Variants in COG5 observed in about 807,000 individuals in gnomAD.
COG5 encodes the protein conserved oligomeric Golgi complex subunit 5.
COG5 carries 86 observed loss-of-function variants against 110.4 expected under a neutral mutation model. That is an observed-to-expected ratio of 0.78 (90% CI 0.65 to 0.93). The LOEUF (loss-of-function observed/expected upper bound fraction) is 0.93. COG5 is among the 40% of genes least tolerant of loss of function. The pLI is 0.00. For synonymous variants in COG5, 360 were observed against 334.6 expected (o/e 1.08, Z -0.83); for missense variants, 1,077 against 987.0 (o/e 1.09, Z -1.22).
intron 10 of COG5, among the ~76,000 whole-genome samples, chr7:107,351,726 G>C (rs1156441790): frequency 1.3e-5 from 2 of 151,862 alleles, no homozygotes; most frequent in African/African-American, 4.8e-5. Context: ...ATCATCACTG[G>C]TCATCAGAGA....
chr7:107,275,714 A>G (rs534486322), intron 14 of COG5, among the ~76,000 whole-genome samples: 1 of 151,926 alleles, frequency 6.6e-6, no homozygotes, highest in South Asian at 2.1e-4. Flanking sequence ...AGTAGAGATG[A>G]GGTTTCACCA....
intron 1 of COG5, among the ~76,000 whole-genome samples, chr7:107,559,817 T>C (rs1484131639): frequency 2.0e-5 from 3 of 152,180 alleles, no homozygotes; most frequent in Non-Finnish European, 4.4e-5. Flanking sequence ...GCAAATGCCA[T>C]GGCATATTTT....
chr7:107,354,666 G>C (rs1478336297), intron 10 of COG5, among the ~76,000 whole-genome samples: 4 of 152,118 alleles, frequency 2.6e-5, no homozygotes, highest in African/African-American at 4.8e-5. Flanking sequence ...ACAAGAGTGA[G>C]ACTCCGTCTC....
At chr7:107,295,038 T>TACACAC (rs1249923848) in intron 12 of COG5, among the ~76,000 whole-genome samples, 1,698 of 53,118 alleles carry the variant, frequency 0.032, 50 homozygotes, top group Non-Finnish European at 0.05. Context: ...CACACACATA[T>TACACAC]ACACACACAC....
chr7:107,294,962 CACACATATATATAT>C (rs1357937618), intron 12 of COG5, among the ~76,000 whole-genome samples: 6 of 129,072 alleles, frequency 4.6e-5, no homozygotes, highest in African/African-American at 8.7e-5. Flanking sequence ...TATATATATA[CACACATATATATAT>C]ACACATATAT....
At chr7:107,511,842 A>G (rs1389457650) in intron 6 of COG5, among the ~76,000 whole-genome samples, 3 of 152,218 alleles carry the variant, frequency 2.0e-5, no homozygotes, top group Admixed American at 6.5e-5. Context: ...ACAAAATTCA[A>G]CAACACTTCA....
chr7:107,232,569 A>T (rs191936056), intron 18 of COG5, among the ~76,000 whole-genome samples: 1 of 152,368 alleles, frequency 6.6e-6, no homozygotes, highest in African/African-American at 2.4e-5. Flanking sequence ...GGAAAAAGTT[A>T]CGATATGAGA....
In COG5 at chr7:107,321,553, G is replaced by A. The variant is rs545759372; in HGVS notation, c.1108+2887C>T. On this transcript the variant is annotated intron_variant, in intron 11 of 21. Transcript: ENST00000297135. ...CTTTGACTACTGTGACGAAAACCCT[G>A]TTGTACTGATGTAAACATAGACATT... Among the ~76,000 whole-genome samples the A allele has an allele frequency of 3.9e-5, 6 of 152,258 alleles. No individual in the cohort carries two copies. In the East Asian group the frequency reaches 1.2e-3, roughly 29 times the overall value.
chr7:107,348,949 A>C (rs1413318483), intron 10 of COG5, among the ~76,000 whole-genome samples: 1 of 151,814 alleles, frequency 6.6e-6, no homozygotes, highest in Admixed American at 6.6e-5. Context: ...GCAGACTCGA[A>C]CTCCTGGGCT....
chr7:107,475,227 A>T (rs1266001880), intron 6 of COG5: 1 of 1,611,032 alleles, frequency 6.2e-7, no homozygotes, highest in Admixed American at 1.7e-5. Context: ...TTGTTTCTAT[A>T]GTAGAAGCTG....
At chr7:107,412,345 C>T (rs1207116789) in intron 7 of COG5, among the ~76,000 whole-genome samples, 157 bp downstream of exon 7, 1 of 144,414 alleles carries the variant, frequency 6.9e-6, no homozygotes, top group Non-Finnish European at 1.6e-5. Flanking sequence ...ATTAAAATTT[C>T]CCTTAACGAT....
In COG5 at chr7:107,210,232, T is replaced by C. The variant is rs946099602; in HGVS notation, c.2375+294A>G. 8 of 1,256,694 alleles carry C rather than the reference T, an allele frequency of 6.4e-6. No individual in the cohort carries two copies. In the African/African-American group the frequency reaches 7.4e-5, roughly 12 times the overall value. 77.8% of individuals were successfully genotyped at this position (1,256,694 alleles called of 1,614,324 possible). On this transcript the variant is annotated intron_variant, in intron 21 of 21. Coordinates refer to ENST00000297135, the MANE Select transcript of COG5 (RefSeq NM_006348.5). The stretch of plus-strand genomic sequence containing the variant: ...TGCGGAGCTAGGGCAAAACTTTTCA[T>C]AGCAAATGATGATTTTCAAAGGTAC...
At chr7:107,515,622 A>G (rs1799866417) in intron 6 of COG5, among the ~76,000 whole-genome samples, 1 of 152,120 alleles carries the variant, frequency 6.6e-6, no homozygotes, top group Non-Finnish European at 1.5e-5. Context: ...CATCGATGGG[A>G]GGTGGAGAGG....
chr7:107,408,497 T>A (rs1355797860), intron 7 of COG5, among the ~76,000 whole-genome samples: 2 of 152,248 alleles, frequency 1.3e-5, no homozygotes, highest in Non-Finnish European at 2.9e-5. Flanking sequence ...GCTTGCTCAA[T>A]ATACATTCTG....
intron 11 of COG5, among the ~76,000 whole-genome samples, chr7:107,306,734 G>C (rs1290570153): frequency 6.6e-6 from 1 of 152,040 alleles, no homozygotes. Context: ...TTCTAACTCT[G>C]TAAGCCTCAA....
intron 11 of COG5, among the ~76,000 whole-genome samples, chr7:107,308,238 C>T (rs1249973267): frequency 6.6e-6 from 1 of 152,130 alleles, no homozygotes; most frequent in Non-Finnish European, 1.5e-5. Flanking sequence ...GTGTTTTTCA[C>T]CTTGACTGCA....
chr7:107,563,772 C>T, intron 1 of COG5, 31 bp downstream of exon 1: 1 of 1,613,102 alleles, frequency 6.2e-7, no homozygotes, highest in Non-Finnish European at 8.5e-7. Context: ...GACCCCCAAC[C>T]CCACGACCTG....
intron 6 of COG5, among the ~76,000 whole-genome samples, chr7:107,483,747 T>G (rs536333376): frequency 4.1e-4 from 62 of 151,974 alleles, no homozygotes; most frequent in Non-Finnish European, 8.2e-4. Context: ...ACTCAATAAT[T>G]CAGGTGACTG....
At chr7:107,462,275 C>T (rs1488789673) in intron 6 of COG5, among the ~76,000 whole-genome samples, 1 of 152,064 alleles carries the variant, frequency 6.6e-6, no homozygotes, top group Non-Finnish European at 1.5e-5. Context: ...TGTGTGTTCA[C>T]AAGAAAATAT....
Sources: gnomAD v4.1 joint callset for allele counts (sites outside exome capture counted in the v4.1 genomes callset) on GRCh38, gnomAD v4.1.1 for gene constraint, MANE v1.5 for transcripts, NCBI Gene and HGNC (gene_info 2026-07-23, HGNC 2026-07-21) for gene names.